HMG20A: variants seen among roughly 807,000 people sequenced by gnomAD.
HMG20A encodes the protein high mobility group 20A, also known as high mobility group protein 20A.
A neutral mutation model predicts 43.9 loss-of-function variants in HMG20A; 17 were observed. The ratio of observed to expected loss-of-function variants is 0.39; its 90% CI spans 0.27 to 0.58. HMG20A has a LOEUF of 0.58. Among genes scored for constraint, HMG20A ranks in the 20% least tolerant of loss-of-function variants. The pLI is 0.59. For synonymous variants in HMG20A, 132 were observed against 147.5 expected, an observed-to-expected ratio of 0.89 and a Z score of 0.76; for missense variants, 341 against 438.2, an observed-to-expected ratio of 0.78 and a Z score of 1.98.
At chr15:77,425,763 C>G (rs2073420402) in intron 1 of HMG20A, among the ~76,000 whole-genome samples, 2 of 152,156 alleles carry the variant, frequency 1.3e-5, no homozygotes, top group Admixed American at 1.3e-4. Context: ...GGACACTTAA[C>G]TTGTATTTCC....
the HMG20A span, among the ~76,000 whole-genome samples, chr15:77,491,288 C>A: frequency 1.3e-5 from 2 of 152,188 alleles, no homozygotes; most frequent in Non-Finnish European, 2.9e-5. Flanking sequence ...GTGAGGGGTG[C>A]TTTTGCTATC....
At chr15:77,478,251 C>T (rs1472703023) in intron 7 of HMG20A, 44 bp from the exon 8 acceptor site, 4 of 1,595,116 alleles carry the variant, frequency 2.5e-6, no homozygotes, top group Non-Finnish European at 3.4e-6. Flanking sequence ...TCCTCAGAGA[C>T]TCCTTCTAGT....
the HMG20A span, among the ~76,000 whole-genome samples, chr15:77,514,012 C>T: frequency 6.6e-6 from 1 of 152,234 alleles, no homozygotes; most frequent in Non-Finnish European, 1.5e-5. Flanking sequence ...GCGTGAGCCA[C>T]CACACTCAGC....
In HMG20A at chr15:77,467,076, ATTTTG is replaced by A. The variant is rs778950536; in HGVS notation, c.238-7_238-3del. ...GTTGTTGTTTGGTTTTTGGTTTTTT[ATTTTG>A]TTTTGTTTTGTAGCAACGAAGTAAA... On this transcript the variant is annotated splice_polypyrimidine_tract_variant and intron_variant, in intron 3 of 9. Transcript: ENST00000336216. 56 of 1,590,370 alleles carry A rather than the reference ATTTTG, an allele frequency of 3.5e-5. No individual in the cohort carries two copies. Among genetic ancestry groups the A allele is most frequent in the African/African-American group, 8.1e-5 (6 of 73,694 alleles).
At chr15:77,439,108 A>G (rs1341294527) in intron 1 of HMG20A, among the ~76,000 whole-genome samples, 9 of 152,186 alleles carry the variant, frequency 5.9e-5, no homozygotes, top group African/African-American at 1.9e-4. Context: ...TTTGGAGTTC[A>G]TTATAAAGAA....
At chr15:77,459,335 T>C (rs980373444) in intron 2 of HMG20A, among the ~76,000 whole-genome samples, 1 of 152,224 alleles carries the variant, frequency 6.6e-6, no homozygotes, top group Non-Finnish European at 1.5e-5. Flanking sequence ...ATCTGCTATG[T>C]GTCATTGTTC....
intron 1 of HMG20A, among the ~76,000 whole-genome samples, chr15:77,455,414 T>G (rs1299522854): frequency 1.3e-5 from 2 of 151,644 alleles, no homozygotes; most frequent in Admixed American, 1.3e-4. Flanking sequence ...AAATTGGCAC[T>G]CTTTTATATG....
At chr15:77,429,212 T>G (rs568343075) in intron 1 of HMG20A, among the ~76,000 whole-genome samples, 5 of 151,520 alleles carry the variant, frequency 3.3e-5, no homozygotes, top group East Asian at 3.9e-4. Context: ...ATATGGTGGG[T>G]TTTTTTGTTT....
chr15:77,422,834 G>A lies in HMG20A; in HGVS notation c.-5+1830G>A, dbSNP rs1025258109. On this transcript the variant is annotated intron_variant, in intron 1 of 9. Transcript: ENST00000336216. ...AAGCAAGACAAAACATTGTCTTTGT[G>A]GTTATTAATAGGTTAGGAACATGTA... Among the ~76,000 whole-genome samples, 2 of 152,054 alleles carry A rather than the reference G, an allele frequency of 1.3e-5. 1 individual carries two copies. Among genetic ancestry groups the A allele is most frequent in the African/African-American group, 4.8e-5 (2 of 41,380 alleles).
At chr15:77,435,869 G>T (rs1254278218) in intron 1 of HMG20A, among the ~76,000 whole-genome samples, 2 of 148,594 alleles carry the variant, frequency 1.3e-5, no homozygotes, top group African/African-American at 2.5e-5. Flanking sequence ...CTGGCTCTCT[G>T]CCTACCTCTG....
intron 1 of HMG20A, among the ~76,000 whole-genome samples, chr15:77,432,722 CAA>C (rs34459644): frequency 1.6e-3 from 126 of 77,710 alleles, no homozygotes; most frequent in African/African-American, 6.7e-3. Context: ...AACTCCGACT[CAA>C]AAAAAAAAAA....
At chr15:77,514,250 G>T in the HMG20A span, among the ~76,000 whole-genome samples, 1 of 152,126 alleles carries the variant, frequency 6.6e-6, no homozygotes, top group Non-Finnish European at 1.5e-5. Flanking sequence ...ATTAATACAC[G>T]CAACAATGTG....
intron 1 of HMG20A, among the ~76,000 whole-genome samples, chr15:77,451,033 A>G (rs534136500): frequency 1.3e-5 from 2 of 152,328 alleles, no homozygotes; most frequent in South Asian, 4.1e-4. Flanking sequence ...GCCTTTTCAG[A>G]TTGACTTCTT....
chr15:77,497,345 G>C, the HMG20A span, among the ~76,000 whole-genome samples: 2 of 152,264 alleles, frequency 1.3e-5, no homozygotes, highest in Non-Finnish European at 2.9e-5. Flanking sequence ...AATGAGGGCA[G>C]CTTGCCCAAG....
the HMG20A span, among the ~76,000 whole-genome samples, chr15:77,492,307 A>G: frequency 1.7e-4 from 26 of 152,330 alleles, no homozygotes; most frequent in South Asian, 4.8e-3. Context: ...AATATCTGTG[A>G]TCTTGTTGGT....
the HMG20A span, among the ~76,000 whole-genome samples, chr15:77,492,428 C>A: frequency 6.6e-6 from 1 of 152,066 alleles, no homozygotes; most frequent in Non-Finnish European, 1.5e-5. Context: ...TGTAATTTCC[C>A]CCCATCCATT....
At chr15:77,479,450 C>A in intron 9 of HMG20A, 129 bp downstream of exon 9, 1 of 812,414 alleles carries the variant, frequency 1.2e-6, no homozygotes, top group Non-Finnish European at 1.9e-6. Flanking sequence ...GGTTAAGATT[C>A]CTGTTGCATG....
chr15:77,444,051 C>G (rs1464256786), intron 1 of HMG20A, among the ~76,000 whole-genome samples: 1 of 152,138 alleles, frequency 6.6e-6, no homozygotes, highest in East Asian at 1.9e-4. Context: ...CATATACTTT[C>G]TCATAAATGT....
At chr15:77,458,878 T>G (rs775884495) in intron 2 of HMG20A, among the ~76,000 whole-genome samples, 28 of 152,198 alleles carry the variant, frequency 1.8e-4, no homozygotes, top group Non-Finnish European at 3.5e-4. Context: ...TTTTTTAATG[T>G]GGTTCTTTAT....
Sources: allele counts gnomAD v4.1 joint callset (sites outside exome capture counted in the v4.1 genomes callset), GRCh38; gene constraint gnomAD v4.1.1; transcripts MANE v1.5; gene names NCBI Gene and HGNC (gene_info 2026-07-23, HGNC 2026-07-21).